The following SEC24D variants were observed in gnomAD, a reference collection of about 807,000 sequenced individuals.
SEC24D encodes protein transport protein Sec24D.
SEC24D carries 69 observed loss-of-function variants against 116.9 expected under a neutral mutation model. That is an observed-to-expected ratio of 0.59 (90% CI 0.49 to 0.72). The LOEUF is 0.72. SEC24D is among the 30% of genes least tolerant of loss of function. The probability of loss-of-function intolerance (pLI) is 0.00; values close to 1 mark genes in which losing one functional copy is unlikely to be tolerated. For synonymous variants in SEC24D, 405 were observed against 442.8 expected, an observed-to-expected ratio of 0.91 and a Z score of 1.07; for missense variants, 1,131 against 1,264.1, an observed-to-expected ratio of 0.89 and a Z score of 1.60.
chr4:118,816,386 T>C (rs913806710), intron 4 of SEC24D, among the ~76,000 whole-genome samples: 1 of 152,216 alleles, frequency 6.6e-6, no homozygotes, highest in Non-Finnish European at 1.5e-5. Context: ...TTCTATTACA[T>C]AACAAGCATT....
chr4:118,796,023 T>C (rs1729164929), intron 8 of SEC24D, among the ~76,000 whole-genome samples: 1 of 152,228 alleles, frequency 6.6e-6, no homozygotes, highest in Non-Finnish European at 1.5e-5. Context: ...TGTCTAAATG[T>C]CTGCAATTTA....
In SEC24D at chr4:118,732,587, A is replaced by C; in HGVS notation, c.2676+146T>G. The C allele has an allele frequency of 7.9e-6, 6 of 763,944 alleles. No individual in the cohort carries two copies. The South Asian group carries it at 1.1e-4, about 15-fold the overall frequency. 47.3% of individuals were successfully genotyped at this position (763,944 alleles called of 1,614,324 possible). A position where few individuals can be genotyped will look rare whatever the true frequency, so the allele number is the denominator to read the frequency against. On this transcript the variant is annotated intron_variant, in intron 20 of 22. Coordinates refer to ENST00000280551, the MANE Select transcript of SEC24D (RefSeq NM_014822.4). ...AACTTGCAGAAAGAGCCCCTGCTCG[A>C]AATCCCACACCATATATTTTGAAGG...
At position 118,771,482 on chromosome 4, in the gene SEC24D, T is replaced by C. The variant is rs1727899672; in HGVS notation, c.1042-3171A>G. On this transcript the variant is annotated intron_variant, in intron 8 of 22. Transcript: ENST00000280551. ...TGAGGAAAAATGTGAATCTTTTCCT[T>C]GTATTTTTGGATTAACGGGTGTGCC... Among the ~76,000 whole-genome samples the C allele has an allele frequency of 2.0e-5, 3 of 152,174 alleles. No individual in the cohort carries two copies. In the South Asian group the frequency reaches 6.2e-4, roughly 31 times the overall value.
intron 8 of SEC24D, among the ~76,000 whole-genome samples, chr4:118,794,926 T>G (rs1184630859): frequency 1.3e-5 from 2 of 152,206 alleles, no homozygotes; most frequent in Non-Finnish European, 2.9e-5. Context: ...GTGTGTACCA[T>G]TCTATCATTT....
intron 9 of SEC24D, 100 bp from the exon 10 acceptor site, chr4:118,765,017 C>G: frequency 1.5e-6 from 1 of 686,346 alleles, no homozygotes; most frequent in Non-Finnish European, 2.6e-6. Flanking sequence ...GAGTTAGTAT[C>G]TGGAAAAATG....
chr4:118,742,710 T>G (rs973918040), intron 15 of SEC24D, among the ~76,000 whole-genome samples: 1 of 152,178 alleles, frequency 6.6e-6, no homozygotes, highest in African/African-American at 2.4e-5. Flanking sequence ...ATGACTAACA[T>G]TTGTCATTTA....
rs780410832 is a variant in SEC24D, at chr4:118,835,948, C to G, written c.-49G>C. ...GCGGGTGGGAGGCTTTACCTGTTCC[C>G]GCTCCCGCACCCCGCGGGCTTCCGA... On this transcript the variant is annotated 5_prime_UTR_variant, in exon 1 of 23. Transcript: ENST00000280551. 2.6e-5 allele frequency: 4 copies of G among 152,234 alleles called. No homozygotes were observed. Among genetic ancestry groups the G allele is most frequent in the Non-Finnish European group, 5.9e-5 (4 of 68,058 alleles). 9.4% of individuals were successfully genotyped at this position (152,234 alleles called of 1,614,324 possible). A position where few individuals can be genotyped will look rare whatever the true frequency, so the allele number is the denominator to read the frequency against.
chr4:118,801,397 G>A (rs745387825), intron 7 of SEC24D, among the ~76,000 whole-genome samples: 1 of 152,088 alleles, frequency 6.6e-6, no homozygotes, highest in Non-Finnish European at 1.5e-5. Flanking sequence ...CTGGTCCATT[G>A]CTTTAAGAGC....
At position 118,751,176 on chromosome 4, in the gene SEC24D, C is replaced by CTTTTTTTTT. The variant is rs1185148886; in HGVS notation, c.1707+811_1707+819dup. 1.5e-3 allele frequency among the ~76,000 whole-genome samples: 151 copies of CTTTTTTTTT among 100,308 alleles called. 13 individuals are homozygous for CTTTTTTTTT. Among genetic ancestry groups the CTTTTTTTTT allele is most frequent in the East Asian group, 4.0e-3 (11 of 2,770 alleles). The allele number at this position is 100,308 out of a possible 152,430, so 65.8% of individuals were successfully genotyped here. A position where few individuals can be genotyped will look rare whatever the true frequency, so the allele number is the denominator to read the frequency against. On this transcript the variant is annotated intron_variant, in intron 13 of 22. Coordinates refer to ENST00000280551, the MANE Select transcript of SEC24D (RefSeq NM_014822.4). ...TAATAATGATGATTTAGAGTGAGGG[C>CTTTTTTTTT]TTTTTTTTTTTTTTTTTTTGAGATG...
intron 8 of SEC24D, among the ~76,000 whole-genome samples, chr4:118,795,380 T>C (rs1351904471): frequency 6.7e-6 from 1 of 149,990 alleles, no homozygotes; most frequent in East Asian, 2.0e-4. Flanking sequence ...GGCTAATTTT[T>C]GTATTTTTAG....
intron 11 of SEC24D, among the ~76,000 whole-genome samples, chr4:118,754,723 A>G (rs572359782): frequency 6.6e-6 from 1 of 152,284 alleles, no homozygotes; most frequent in African/African-American, 2.4e-5. Context: ...CTGATAGTTT[A>G]GAACCAGCCT....
intron 8 of SEC24D, among the ~76,000 whole-genome samples, chr4:118,793,260 G>A (rs1172605600): frequency 1.3e-5 from 2 of 151,864 alleles, no homozygotes; most frequent in Non-Finnish European, 2.9e-5. Flanking sequence ...GAGGTCAGGA[G>A]ATAGAGACCA....
intron 8 of SEC24D, among the ~76,000 whole-genome samples, chr4:118,779,904 G>A (rs1728318352): frequency 6.6e-6 from 1 of 152,178 alleles, no homozygotes; most frequent in Non-Finnish European, 1.5e-5. Context: ...GGTGTTTATA[G>A]TATTCCTGAT....
At chr4:118,796,367 A>C (rs1197089060) in intron 8 of SEC24D, among the ~76,000 whole-genome samples, 1 of 152,186 alleles carries the variant, frequency 6.6e-6, no homozygotes, top group Non-Finnish European at 1.5e-5. Flanking sequence ...AATTTCTAGA[A>C]CCATCATGGA....
chr4:118,772,904 A>G (rs773546562), intron 8 of SEC24D, among the ~76,000 whole-genome samples: 9 of 152,084 alleles, frequency 5.9e-5, no homozygotes, highest in Non-Finnish European at 1.0e-4. Flanking sequence ...CTGAATAAGT[A>G]ATGTCATACC....
chr4:118,757,142 G>A (rs80106021), intron 11 of SEC24D, among the ~76,000 whole-genome samples: 1 of 152,096 alleles, frequency 6.6e-6, no homozygotes, highest in Non-Finnish European at 1.5e-5. Context: ...AAGGTCTAAG[G>A]TATGTTCATC....
At chr4:118,764,551 TA>T (rs1218828548) in intron 10 of SEC24D, 5 of 359,184 alleles carry the variant, frequency 1.4e-5, no homozygotes, top group Admixed American at 8.7e-5. Context: ...GGCAAGGACA[TA>T]AAAAATTATT....
intron 9 of SEC24D, among the ~76,000 whole-genome samples, chr4:118,767,040 C>T (rs144630434): frequency 9.2e-5 from 14 of 152,266 alleles, no homozygotes; most frequent in South Asian, 2.1e-4. Flanking sequence ...AGGAGAGAGA[C>T]GTACCAAGAG....
intron 19 of SEC24D, 124 bp downstream of exon 19, chr4:118,738,137 G>C (rs1445480337): frequency 5.8e-6 from 4 of 683,920 alleles, no homozygotes; most frequent in Non-Finnish European, 1.0e-5. Context: ...AATCTTCTCA[G>C]CTACACTGTT....
Sources: gnomAD v4.1 joint callset for allele counts (sites outside exome capture counted in the v4.1 genomes callset) on GRCh38, gnomAD v4.1.1 for gene constraint, MANE v1.5 for transcripts, NCBI Gene and HGNC (gene_info 2026-07-23, HGNC 2026-07-21) for gene names.